LCMT1: variants seen among roughly 807,000 people sequenced by gnomAD.
The protein encoded by LCMT1 is [Phosphatase 2A protein]-leucine-carboxy methyltransferase 1.
LCMT1 carries 32 observed loss-of-function variants against 47.7 expected under a neutral mutation model. The ratio of observed to expected loss-of-function variants is 0.67; its 90% CI spans 0.51 to 0.90. LCMT1 has a LOEUF of 0.90. Among genes scored for constraint, LCMT1 ranks in the 40% least tolerant of loss-of-function variants. LCMT1 has a pLI of 0.00. For missense variants in LCMT1, 375 were observed against 415.2 expected (o/e 0.90, Z 0.84); for synonymous variants, 152 against 149.7 (o/e 1.02, Z -0.11).
At chr16:25,163,982 T>C (rs1961513235) in intron 6 of LCMT1, among the ~76,000 whole-genome samples, 2 of 152,126 alleles carry the variant, frequency 1.3e-5, no homozygotes, top group Non-Finnish European at 2.9e-5. Flanking sequence ...TGGGTTTAGC[T>C]GATATTCTGG....
At chr16:25,120,841 C>T (rs1476335381) in intron 1 of LCMT1, among the ~76,000 whole-genome samples, 1 of 150,364 alleles carries the variant, frequency 6.7e-6, no homozygotes, top group Non-Finnish European at 1.5e-5. Flanking sequence ...TTTACCTCCC[C>T]GGGCTCAGGT....
At chr16:25,134,025 C>T (rs889725150) in intron 3 of LCMT1, among the ~76,000 whole-genome samples, 2 of 138,538 alleles carry the variant, frequency 1.4e-5, no homozygotes, top group African/African-American at 5.5e-5. Context: ...AGTGAGACTT[C>T]GTCTCTTAAA....
chr16:25,148,448 A>C (rs1960945328), intron 4 of LCMT1, among the ~76,000 whole-genome samples: 1 of 152,190 alleles, frequency 6.6e-6, no homozygotes, highest in Non-Finnish European at 1.5e-5. Context: ...AGGTGTGGCA[A>C]AGGGAGGGAA....
intron 1 of LCMT1, among the ~76,000 whole-genome samples, chr16:25,115,625 A>G (rs971925811): frequency 1.3e-5 from 2 of 152,250 alleles, no homozygotes; most frequent in South Asian, 2.1e-4. Flanking sequence ...CTATTGCTCA[A>G]CATGGAAAAT....
At chr16:25,161,773 T>C (rs1326012096) in intron 6 of LCMT1, among the ~76,000 whole-genome samples, 2 of 150,628 alleles carry the variant, frequency 1.3e-5, no homozygotes, top group Non-Finnish European at 3.0e-5. Context: ...TTGTAACATA[T>C]AAAGAAAAGA....
rs551734768 is a variant in LCMT1 at position 25,137,325 on chromosome 16, C to T, written c.328-2846C>T. On this transcript the variant is annotated intron_variant, in intron 3 of 10. Transcript: ENST00000399069. Reference sequence around the variant, plus strand: ...CTGGGATTACAGGCGTGAGCCACTGCACCTGGCCCCCCTCAAGTATCTTGA... The same window carrying T: ...CTGGGATTACAGGCGTGAGCCACTGTACCTGGCCCCCCTCAAGTATCTTGA... Among the ~76,000 whole-genome samples the T allele has an allele frequency of 6.0e-5, 9 of 150,660 alleles. No homozygotes were observed. The East Asian group carries it at 1.6e-3, about 27-fold the overall frequency.
At chr16:25,169,355 G>GC in intron 8 of LCMT1, 142 bp downstream of exon 8, 1 of 598,976 alleles carries the variant, frequency 1.7e-6, no homozygotes, top group South Asian at 2.0e-5. Context: ...CATGTGGGCC[G>GC]CTAGTTCATG....
chr16:25,159,966 CT>C (rs11453219), intron 5 of LCMT1, among the ~76,000 whole-genome samples: 6 of 145,846 alleles, frequency 4.1e-5, no homozygotes, highest in Non-Finnish European at 3.0e-5. Flanking sequence ...AATTTGTTAA[CT>C]TTTTTTTTTT....
At chr16:25,167,007 C>T (rs1212532778) in intron 7 of LCMT1, among the ~76,000 whole-genome samples, 1 of 152,166 alleles carries the variant, frequency 6.6e-6, no homozygotes, top group Non-Finnish European at 1.5e-5. Flanking sequence ...CTGCTGCTTT[C>T]CCTTTCCTTA....
intron 1 of LCMT1, among the ~76,000 whole-genome samples, chr16:25,118,180 AC>A (rs2141624782): frequency 6.6e-6 from 1 of 152,130 alleles, no homozygotes; most frequent in East Asian, 1.9e-4. Context: ...TTAGAAAAAG[AC>A]CAGCATTTCT....
intron 8 of LCMT1, 79 bp downstream of exon 8, chr16:25,169,292 A>G (rs1961683559): frequency 1.1e-6 from 1 of 920,168 alleles, no homozygotes; most frequent in Middle Eastern, 2.7e-4. Context: ...TGCAGATGTG[A>G]TCATGGAGAA....
chr16:25,162,588 C>CAAAAA (rs542231545), intron 6 of LCMT1, among the ~76,000 whole-genome samples: 2 of 78,722 alleles, frequency 2.5e-5, no homozygotes, highest in African/African-American at 4.5e-5. Context: ...GACTCCATCT[C>CAAAAA]AAAAAAAAAA....
chr16:25,143,601 C>T (rs1234797082), intron 4 of LCMT1: 1 of 152,120 alleles, frequency 6.6e-6, no homozygotes, highest in African/African-American at 2.4e-5. Context: ...GATATTTGTA[C>T]CCTAGATTTG....
At chr16:25,145,415 C>T (rs1437325814) in intron 4 of LCMT1, 2 of 152,238 alleles carry the variant, frequency 1.3e-5, no homozygotes, top group Non-Finnish European at 2.9e-5. Context: ...TGGGGAAGCA[C>T]AGTCCATGTG....
chr16:25,164,011 G>A (rs1391637057), intron 6 of LCMT1, among the ~76,000 whole-genome samples: 1 of 152,174 alleles, frequency 6.6e-6, no homozygotes, highest in Non-Finnish European at 1.5e-5. Flanking sequence ...CAGGTGGACA[G>A]TGGGCAGGCC....
chr16:25,158,133 C>T (rs1961314795), intron 5 of LCMT1, among the ~76,000 whole-genome samples: 1 of 152,240 alleles, frequency 6.6e-6, no homozygotes, highest in Admixed American at 6.5e-5. Context: ...TCCACATCCA[C>T]ATTGGCACAA....
chr16:25,119,899 G>C (rs1408908749), intron 1 of LCMT1, among the ~76,000 whole-genome samples: 1 of 150,820 alleles, frequency 6.6e-6, no homozygotes, highest in African/African-American at 2.5e-5. Flanking sequence ...GGTGGCTCAT[G>C]CCTGTAATCC....
At chr16:25,168,562 C>T (rs2141710580) in intron 7 of LCMT1, among the ~76,000 whole-genome samples, 1 of 152,294 alleles carries the variant, frequency 6.6e-6, no homozygotes, top group South Asian at 2.1e-4. Flanking sequence ...GTCCTCTAAT[C>T]TGGGAAGCAA....
intron 1 of LCMT1, chr16:25,126,207 C>G: frequency 8.1e-7 from 1 of 1,239,792 alleles, no homozygotes. Context: ...CCGTGCATCT[C>G]ACCACTCTCT....
Sources: allele counts gnomAD v4.1 joint callset (sites outside exome capture counted in the v4.1 genomes callset), GRCh38; gene constraint gnomAD v4.1.1; transcripts MANE v1.5; gene names NCBI Gene and HGNC (gene_info 2026-07-23, HGNC 2026-07-21).